Variants in DHX57 observed in about 807,000 individuals in gnomAD.
DHX57 encodes DExH-box helicase 57, also known as putative ATP-dependent RNA helicase DHX57.
In DHX57, 105 loss-of-function variants were observed where a neutral mutation model predicts 156.2. That is an observed-to-expected ratio of 0.67 (90% CI 0.57 to 0.79). The LOEUF (loss-of-function observed/expected upper bound fraction) is 0.79. Ranked by LOEUF, DHX57 falls within the 30% of genes least tolerant of loss-of-function variation. The probability of loss-of-function intolerance (pLI) is 0.00; values close to 1 mark genes in which losing one functional copy is unlikely to be tolerated. For missense variants in DHX57, 1,847 were observed against 1,661.9 expected (o/e 1.11, Z -1.94); for synonymous variants, 704 against 595.6 (o/e 1.18, Z -2.65).
At chr2:38,802,987 C>A in intron 22 of DHX57, 72 bp from the exon 23 acceptor site, 1 of 1,557,394 alleles carries the variant, frequency 6.4e-7, no homozygotes, top group Non-Finnish European at 8.8e-7. Flanking sequence ...CCCAGTCCCA[C>A]GGATTTAAAT....
At chr2:38,838,847 C>A (rs560913433) in intron 12 of DHX57, 1 of 452,730 alleles carries the variant, frequency 2.2e-6, no homozygotes. Context: ...ACAATCTCCC[C>A]ACTCACAATC....
At chr2:38,857,083 A>C (rs537386018) in intron 6 of DHX57, 2 of 154,204 alleles carry the variant, frequency 1.3e-5, no homozygotes, top group Admixed American at 1.3e-4. Flanking sequence ...GTGTTGATGG[A>C]AATGTTCTAT....
At chr2:38,810,691 G>C (rs1572624898) in intron 21 of DHX57, 3 of 712,124 alleles carry the variant, frequency 4.2e-6, no homozygotes, top group East Asian at 5.8e-5. Flanking sequence ...GTCACACTGA[G>C]GGTTGTGCCA....
intron 2 of DHX57, among the ~76,000 whole-genome samples, 165 bp from the exon 3 acceptor site, chr2:38,863,684 G>C (rs1056356891): frequency 2.6e-5 from 4 of 152,066 alleles, no homozygotes; most frequent in African/African-American, 7.2e-5. Flanking sequence ...GTATTTACCA[G>C]ACTTCATTAT....
intron 1 of DHX57, among the ~76,000 whole-genome samples, chr2:38,868,666 G>C (rs969940912): frequency 6.6e-6 from 1 of 152,050 alleles, no homozygotes; most frequent in Non-Finnish European, 1.5e-5. Flanking sequence ...TTCTACCTCA[G>C]GACTAATATT....
At chr2:38,845,826 C>G (rs1672248557) in intron 11 of DHX57, among the ~76,000 whole-genome samples, 1 of 151,402 alleles carries the variant, frequency 6.6e-6, no homozygotes, top group Non-Finnish European at 1.5e-5. Context: ...ACTGCAAACT[C>G]TATGCGAGTA....
chr2:38,801,361 C>T (rs975277266), intron 23 of DHX57, among the ~76,000 whole-genome samples: 1 of 151,962 alleles, frequency 6.6e-6, no homozygotes, highest in Non-Finnish European at 1.5e-5. Flanking sequence ...CCACCTCAGC[C>T]TCTGGCAGTT....
At chr2:38,852,023 T>G (rs1672619884) in intron 9 of DHX57, among the ~76,000 whole-genome samples, 1 of 152,132 alleles carries the variant, frequency 6.6e-6, no homozygotes. Context: ...TAATTTAATA[T>G]TTATTATTGT....
At chr2:38,854,952 G>A (rs570093287) in intron 8 of DHX57, 105 bp downstream of exon 8, 2 of 1,032,616 alleles carry the variant, frequency 1.9e-6, no homozygotes, top group Admixed American at 3.9e-5. Context: ...AAAATAACCT[G>A]AAAGTATATA....
chr2:38,859,307 AT>A (rs1673063298), intron 5 of DHX57, among the ~76,000 whole-genome samples: 1 of 152,170 alleles, frequency 6.6e-6, no homozygotes, highest in Non-Finnish European at 1.5e-5. Flanking sequence ...TTCCATTTCT[AT>A]GAAATGTCCA....
intron 2 of DHX57, 91 bp from the exon 3 acceptor site, chr2:38,863,610 A>T: frequency 1.4e-5 from 16 of 1,149,650 alleles, no homozygotes; most frequent in Admixed American, 2.4e-5. Flanking sequence ...CACAATACAA[A>T]CTGGATTGTC....
chr2:38,821,526 T>C (rs1670814856), intron 17 of DHX57, among the ~76,000 whole-genome samples: 1 of 151,924 alleles, frequency 6.6e-6, no homozygotes. Context: ...AAACCCCGTC[T>C]CTATAAAAAT....
intron 11 of DHX57, among the ~76,000 whole-genome samples, chr2:38,844,692 T>A (rs1168258514): frequency 7.3e-6 from 1 of 136,664 alleles, no homozygotes; most frequent in African/African-American, 3.0e-5. Context: ...AAATGATTAA[T>A]TTTTAATAGC....
Position 38,862,258 on chromosome 2 carries a change from C to T in DHX57, c.459G>A (p.Gln153=), listed in dbSNP as rs1268909234. The T allele has an allele frequency of 1.9e-6, 3 of 1,614,008 alleles. No homozygotes were observed. Among genetic ancestry groups the T allele is most frequent in the Non-Finnish European group, 2.5e-6 (3 of 1,179,900 alleles). Residue 153 remains glutamine (Q), a synonymous_variant, in exon 4 of 24, where the codon CAG becomes CAA. Coordinates refer to ENST00000457308, the MANE Select transcript of DHX57 (RefSeq NM_198963.3). ...CCAAGTCGGGAACGAGGGAAGGTTC[C>T]TGTCCAGCTGGCCAGTACCGCTCAT... ...CNDERYWPAG[Q]EPSLVPDLDP... is the part of the protein sequence containing the mutation.
intron 9 of DHX57, 143 bp from the exon 10 acceptor site, chr2:38,848,545 G>C (rs1572685871): frequency 1.3e-6 from 1 of 792,146 alleles, no homozygotes; most frequent in East Asian, 2.7e-5. Context: ...AATATGTCCT[G>C]TTCTTGGATG....
intron 21 of DHX57, among the ~76,000 whole-genome samples, chr2:38,809,163 C>T (rs188766653): frequency 2.6e-5 from 4 of 152,160 alleles, no homozygotes; most frequent in Admixed American, 6.6e-5. Flanking sequence ...TCTGTCACCC[C>T]GGCTGTAGTG....
chr2:38,864,552 C>A lies in DHX57; in HGVS notation c.225-1033G>T, dbSNP rs145179716. On this transcript the variant is annotated intron_variant, in intron 2 of 23. Coordinates refer to ENST00000457308, the MANE Select transcript of DHX57 (RefSeq NM_198963.3). Reference sequence around the variant, plus strand: ...AGCCTTTCTATTTGTAAACTATATGCCAATCTCTTTAATCTCCTCAAGGAA... The same window carrying A: ...AGCCTTTCTATTTGTAAACTATATGACAATCTCTTTAATCTCCTCAAGGAA... Among the ~76,000 whole-genome samples the A allele has an allele frequency of 3.4e-3, 519 of 152,138 alleles. 2 individuals are homozygous for A. Among genetic ancestry groups the A allele is most frequent in the African/African-American group, 0.012 (493 of 41,494 alleles).
Position 38,825,989 on chromosome 2 carries a change from C to T in DHX57, c.2872G>A (p.Ala958Thr). Residue 958 changes from alanine (A) to threonine (T), a missense_variant, in exon 16 of 24, where the codon GCT becomes ACT. By Grantham distance (58) the Ala-to-Thr change is moderately conservative. Coordinates refer to ENST00000457308, the MANE Select transcript of DHX57 (RefSeq NM_198963.3). ...CCTGCTCGGCCTTTCCTTTGTAGAG[C>T]ATTAGCTTGAGATACAAAGGTGTCC... ...LEDTFVSQAN[A>T]LQRKGRAGRV... 1 of 1,614,200 alleles carries T rather than the reference C, an allele frequency of 6.2e-7. No homozygotes were observed.
chr2:38,816,674 C>T (rs1274395533), intron 19 of DHX57, among the ~76,000 whole-genome samples: 1 of 152,202 alleles, frequency 6.6e-6, no homozygotes, highest in Non-Finnish European at 1.5e-5. Flanking sequence ...CTAAGCAACA[C>T]TACCCTGTCT....
Sources: allele counts gnomAD v4.1 joint callset (sites outside exome capture counted in the v4.1 genomes callset), GRCh38; gene constraint gnomAD v4.1.1; transcripts MANE v1.5; gene names NCBI Gene and HGNC (gene_info 2026-07-23, HGNC 2026-07-21).